SLC9C1: variants seen among roughly 807,000 people sequenced by gnomAD.
SLC9C1 encodes the protein solute carrier family 9 member C1, also known as sodium/hydrogen exchanger 10.
A neutral mutation model predicts 140.9 loss-of-function variants in SLC9C1; 97 were observed. The observed-to-expected ratio is 0.69, with a 90% CI of 0.58 to 0.82. SLC9C1 has a LOEUF of 0.82. Ranked by LOEUF, SLC9C1 falls within the 40% of genes least tolerant of loss-of-function variation. The pLI is 0.00. For synonymous variants in SLC9C1, 440 were observed against 442.6 expected, an observed-to-expected ratio of 0.99 and a Z score of 0.07; for missense variants, 1,340 against 1,389.3, an observed-to-expected ratio of 0.96 and a Z score of 0.56.
At chr3:112,152,963 A>G (rs1275067044) in intron 27 of SLC9C1, among the ~76,000 whole-genome samples, 4 of 152,120 alleles carry the variant, frequency 2.6e-5, no homozygotes, top group African/African-American at 9.7e-5. Flanking sequence ...TTCTAGATAG[A>G]CACAATAACA....
intron 12 of SLC9C1, among the ~76,000 whole-genome samples, chr3:112,237,612 G>C (rs1347431163): frequency 1.2e-4 from 18 of 152,164 alleles, no homozygotes; most frequent in Non-Finnish European, 2.5e-4. Context: ...TCCTTTCCAG[G>C]TTTAGTGCTT....
At chr3:112,234,574 T>A (rs77554773) in intron 12 of SLC9C1, among the ~76,000 whole-genome samples, 1 of 151,884 alleles carries the variant, frequency 6.6e-6, no homozygotes, top group Non-Finnish European at 1.5e-5. Context: ...CTGAATGGTA[T>A]TGCCTAGGTT....
At chr3:112,212,384 G>T (rs1382001640) in intron 15 of SLC9C1, among the ~76,000 whole-genome samples, 1 of 152,116 alleles carries the variant, frequency 6.6e-6, no homozygotes, top group Non-Finnish European at 1.5e-5. Context: ...GAGAGAAGAA[G>T]GTTTCAGATG....
intron 28 of SLC9C1, among the ~76,000 whole-genome samples, chr3:112,141,839 G>A (rs2074634166): frequency 6.6e-6 from 1 of 151,992 alleles, no homozygotes; most frequent in South Asian, 2.1e-4. Context: ...AACTTGTATT[G>A]ATCTTTTCTA....
rs767618335 is a variant in SLC9C1, at chr3:112,263,074, G to C, written c.1047C>G (p.Ser349Arg). The change falls in exon 10 of 29, where the codon AGC becomes AGG. Residue 349 changes from serine (S) to arginine (R), a missense_variant. By Grantham distance (110) the Ser-to-Arg change is moderately radical. Transcript: ENST00000305815. ...VLRFLTLLLISPVLSRVGHEF... is the reference protein window; with the variant it reads ...VLRFLTLLLIRPVLSRVGHEF... ...CATGACCAACTCGAGACAAAACAGG[G>C]CTTATTAAAAGAAGGGTCAGAAATC... 1 of 1,576,238 alleles carries C rather than the reference G, an allele frequency of 6.3e-7. No individual in the cohort carries two copies. The highest frequency in any genetic ancestry group is 2.3e-5 in the East Asian group (1 of 43,210).
intron 28 of SLC9C1, among the ~76,000 whole-genome samples, chr3:112,145,436 G>T (rs1262483150): frequency 1.3e-5 from 2 of 151,932 alleles, no homozygotes; most frequent in African/African-American, 4.8e-5. Context: ...ATTGTGTTTT[G>T]CCAGGTTTTG....
At position 112,231,380 on chromosome 3, in the gene SLC9C1, C is replaced by G. The variant is rs183446986; in HGVS notation, c.1553G>C (p.Arg518Pro). ...CAGTACTATTTGTGCTGACAAGAGA[C>G]GCCTGTTGGCCAGCTCCATTGCTTC... ...NTEAMELANR[R>P]LLSAQIASYQ... is the part of the protein sequence containing the mutation. The change falls in exon 13 of 29, where the codon CGT becomes CCT. Residue 518 changes from arginine (R) to proline (P), a missense_variant. Transcript: ENST00000305815. 1.2e-6 allele frequency: 2 copies of G among 1,613,260 alleles called. No homozygotes were observed. Among genetic ancestry groups the G allele is most frequent in the African/African-American group, 1.3e-5 (1 of 74,894 alleles).
chr3:112,154,847 A>T (rs2075082988), intron 27 of SLC9C1, 150 bp downstream of exon 27: 1 of 667,790 alleles, frequency 1.5e-6, no homozygotes, highest in Non-Finnish European at 2.5e-6. Context: ...CACTGTACCC[A>T]GTGCTAAAAT....
chr3:112,249,310 TG>T (rs2079382323), intron 10 of SLC9C1, among the ~76,000 whole-genome samples: 2 of 151,466 alleles, frequency 1.3e-5, no homozygotes, highest in East Asian at 3.9e-4. Context: ...TACTAGATCA[TG>T]GGTAGATTAG....
In SLC9C1 at chr3:112,213,909, T is replaced by C. The variant is rs1053511587; in HGVS notation, c.1790+3533A>G. Reference sequence around the variant, plus strand: ...CCCCAAATCAACAGAATATACATTCTTATTAGCACCACATCACACTTATTC... The same window carrying C: ...CCCCAAATCAACAGAATATACATTCCTATTAGCACCACATCACACTTATTC... On this transcript the variant is annotated intron_variant, in intron 15 of 28. Transcript: ENST00000305815. Among the ~76,000 whole-genome samples the C allele has an allele frequency of 3.9e-5, 6 of 152,206 alleles. 1 individual carries two copies. The East Asian group carries it at 9.6e-4, about 24-fold the overall frequency.
intron 12 of SLC9C1, 126 bp from the exon 13 acceptor site, chr3:112,231,612 A>G: frequency 1.2e-6 from 1 of 856,202 alleles, no homozygotes; most frequent in South Asian, 1.8e-5. Flanking sequence ...AGATAAGAAA[A>G]ATGTTCAGAT....
intron 8 of SLC9C1, among the ~76,000 whole-genome samples, chr3:112,265,572 A>G (rs1490909323): frequency 6.6e-6 from 1 of 152,080 alleles, no homozygotes; most frequent in African/African-American, 2.4e-5. Context: ...GTTAACACAT[A>G]TGTTTTCATT....
chr3:112,171,078 G>T (rs1052837384), intron 23 of SLC9C1, among the ~76,000 whole-genome samples: 3 of 152,130 alleles, frequency 2.0e-5, no homozygotes, highest in Non-Finnish European at 4.4e-5. Context: ...TCTGGGCATG[G>T]TGGCACGTGA....
chr3:112,145,621 G>C (rs1342256579), intron 28 of SLC9C1, among the ~76,000 whole-genome samples: 3 of 98,480 alleles, frequency 3.0e-5, no homozygotes, highest in Admixed American at 1.1e-4. Flanking sequence ...TGGTTGGTAG[G>C]TTCTTTTTTA....
At chr3:112,249,821 ATC>A (rs2079398318) in intron 10 of SLC9C1, among the ~76,000 whole-genome samples, 1 of 151,458 alleles carries the variant, frequency 6.6e-6, no homozygotes, top group Admixed American at 6.6e-5. Context: ...TATTTGGATA[ATC>A]TCTTTTATTC....
At chr3:112,165,782 T>G (rs1213959701) in intron 26 of SLC9C1, among the ~76,000 whole-genome samples, 1 of 152,202 alleles carries the variant, frequency 6.6e-6, no homozygotes, top group Non-Finnish European at 1.5e-5. Context: ...GGAGAACCAC[T>G]ACTCTCTTCA....
At chr3:112,161,424 A>C (rs2075295411) in intron 26 of SLC9C1, among the ~76,000 whole-genome samples, 3 of 152,292 alleles carry the variant, frequency 2.0e-5, no homozygotes, top group South Asian at 4.1e-4. Flanking sequence ...TAAGTCTTTA[A>C]TCCATTGTGA....
rs201680751 is a variant in SLC9C1, at chr3:112,204,303, T to C, written c.2087A>G (p.Asp696Gly). The C allele has an allele frequency of 1.2e-4, 186 of 1,566,450 alleles. No homozygotes were observed. In the East Asian group the frequency reaches 4.3e-3, roughly 37 times the overall value. ...GILHVILIEI[D>G]TIKYIFNETE... ...CTCATTAAAAATATACTTAATGGTG[T>C]CTATTTCAATAAGTATTACATGTAA... The change falls in exon 17 of 29, where the codon GAC (aspartate) becomes GGC (glycine). Residue 696 changes from aspartate (D) to glycine (G), a missense_variant. Physicochemically the swap from Asp to Gly is moderately conservative, Grantham distance 94. Transcript: ENST00000305815.
intron 5 of SLC9C1, among the ~76,000 whole-genome samples, chr3:112,276,800 C>G (rs887210644): frequency 6.6e-6 from 1 of 151,926 alleles, no homozygotes; most frequent in Non-Finnish European, 1.5e-5. Context: ...GACAAGAATC[C>G]AGGGTTGGAT....
Sources: allele counts gnomAD v4.1 joint callset (sites outside exome capture counted in the v4.1 genomes callset), GRCh38; gene constraint gnomAD v4.1.1; transcripts MANE v1.5; gene names NCBI Gene and HGNC (gene_info 2026-07-23, HGNC 2026-07-21).